The following CSPP1 variants were observed in gnomAD, a reference collection of about 807,000 sequenced individuals.
CSPP1 encodes the protein centrosome and spindle pole associated protein 1.
In CSPP1, 126 loss-of-function variants were observed where a neutral mutation model predicts 164.4. The ratio of observed to expected loss-of-function variants is 0.77; its 90% CI spans 0.66 to 0.89. The LOEUF (loss-of-function observed/expected upper bound fraction) is 0.89. CSPP1 is among the 40% of genes least tolerant of loss of function. The probability of loss-of-function intolerance (pLI) is 0.00; values close to 1 mark genes in which losing one functional copy is unlikely to be tolerated. For synonymous variants in CSPP1, 472 were observed against 476.7 expected (o/e 0.99, Z 0.13); for missense variants, 1,395 against 1,449.8 (o/e 0.96, Z 0.61).
intron 1 of CSPP1, among the ~76,000 whole-genome samples, chr8:67,065,293 A>G (rs544883543): frequency 6.6e-6 from 1 of 152,258 alleles, no homozygotes; most frequent in African/African-American, 2.4e-5. Flanking sequence ...AGTTGTCAGT[A>G]CATGTTATTA....
chr8:67,090,352 C>G (rs1463528829), intron 4 of CSPP1, among the ~76,000 whole-genome samples: 1 of 152,078 alleles, frequency 6.6e-6, no homozygotes, highest in Non-Finnish European at 1.5e-5. Context: ...TGGTGCTGAT[C>G]TTGGCTTGCT....
At chr8:67,130,987 TCAAAA>T (rs1208036980) in intron 15 of CSPP1, among the ~76,000 whole-genome samples, 6 of 152,088 alleles carry the variant, frequency 3.9e-5, no homozygotes, top group Admixed American at 2.0e-4. Flanking sequence ...AAACTCCGTC[TCAAAA>T]CAAAAGAAAA....
chr8:67,117,935 A>G (rs574130503), intron 13 of CSPP1, among the ~76,000 whole-genome samples: 1 of 152,228 alleles, frequency 6.6e-6, no homozygotes, highest in African/African-American at 2.4e-5. Context: ...GTTTATTTTC[A>G]TGTTACTCCT....
At chr8:67,190,813 GTTCTGA>G in intron 29 of CSPP1, 54 bp downstream of exon 29, 1 of 1,263,140 alleles carries the variant, frequency 7.9e-7, no homozygotes, top group Non-Finnish European at 1.2e-6. Flanking sequence ...AGAGGTCTGG[GTTCTGA>G]CCTGTGCTAA....
intron 7 of CSPP1, among the ~76,000 whole-genome samples, chr8:67,102,767 A>G (rs1225888788): frequency 1.3e-5 from 2 of 152,230 alleles, no homozygotes; most frequent in Non-Finnish European, 2.9e-5. Context: ...AAGTGTTAGT[A>G]TATTTGTAGT....
chr8:67,170,282 T>C (rs1459178618), intron 24 of CSPP1, among the ~76,000 whole-genome samples: 1 of 128,396 alleles, frequency 7.8e-6, no homozygotes, highest in East Asian at 2.2e-4. Context: ...CTGTCTCTAC[T>C]AAAAATACAA....
At chr8:67,116,223 T>C (rs906983219) in intron 13 of CSPP1, 101 bp downstream of exon 13, 4 of 818,834 alleles carry the variant, frequency 4.9e-6, no homozygotes, top group African/African-American at 3.4e-5. Context: ...TCTTCAGAGA[T>C]TTTGTACAGT....
At chr8:67,064,565 G>T in intron 1 of CSPP1, 27 bp downstream of exon 1, 1 of 1,577,240 alleles carries the variant, frequency 6.3e-7, no homozygotes. Context: ...TGTAGGTTGA[G>T]GGTGGAGGGT....
chr8:67,194,940 G>T, intron 30 of CSPP1, among the ~76,000 whole-genome samples: 1 of 152,084 alleles, frequency 6.6e-6, no homozygotes, highest in Non-Finnish European at 1.5e-5. Flanking sequence ...TTATAGCAGT[G>T]TTGTAGGTTG....
In CSPP1 at chr8:67,195,643, T is replaced by C; in HGVS notation, c.*50T>C. On this transcript the variant is annotated 3_prime_UTR_variant, in exon 31 of 31. Transcript: ENST00000678616. ...GTGCCTTTTAAGGTGAAAGGAATGG[T>C]AAATCTGTACCTTTAATATGTCCTA... is the stretch of plus-strand genomic sequence containing the variant. 3 of 1,507,864 alleles carry C rather than the reference T, an allele frequency of 2.0e-6. No homozygotes were observed. Among genetic ancestry groups the C allele is most frequent in the Non-Finnish European group, 2.8e-6 (3 of 1,089,988 alleles). The allele number at this position is 1,507,864 out of a possible 1,614,324, so 93.4% of individuals were successfully genotyped here.
At chr8:67,187,508 C>T (rs1460351771) in intron 28 of CSPP1, among the ~76,000 whole-genome samples, 1 of 152,044 alleles carries the variant, frequency 6.6e-6, no homozygotes, top group Non-Finnish European at 1.5e-5. Flanking sequence ...AAAACAACAC[C>T]TTGTCTCTAC....
intron 15 of CSPP1, among the ~76,000 whole-genome samples, chr8:67,123,768 C>A (rs768244081): frequency 2.0e-5 from 3 of 151,868 alleles, no homozygotes; most frequent in Non-Finnish European, 2.9e-5. Context: ...CATGCCACCA[C>A]GCCTGGCTAA....
chr8:67,108,144 A>T (rs984395854), intron 9 of CSPP1, among the ~76,000 whole-genome samples: 1 of 151,904 alleles, frequency 6.6e-6, no homozygotes, highest in African/African-American at 2.4e-5. Context: ...TAATCCCAGC[A>T]TCTTAGGAGG....
intron 18 of CSPP1, among the ~76,000 whole-genome samples, chr8:67,153,634 T>A (rs532061477): frequency 2.1e-4 from 32 of 152,182 alleles, no homozygotes; most frequent in Admixed American, 1.4e-3. Context: ...CATAATACAT[T>A]TTAATATGTT....
chr8:67,160,008 TTTC>T (rs1310609097), intron 21 of CSPP1, among the ~76,000 whole-genome samples: 2 of 100,412 alleles, frequency 2.0e-5, no homozygotes, highest in Non-Finnish European at 3.5e-5. Context: ...TTTCTTTTCT[TTTC>T]TTTTCTTTTC....
At chr8:67,177,817 A>AC in intron 27 of CSPP1, 91 bp downstream of exon 27, 1 of 889,014 alleles carries the variant, frequency 1.1e-6, no homozygotes, top group Non-Finnish European at 1.9e-6. Context: ...ATTTTGAATT[A>AC]TTCAGGAATA....
chr8:67,145,490 G>A (rs1824341464), intron 17 of CSPP1, among the ~76,000 whole-genome samples: 1 of 147,852 alleles, frequency 6.8e-6, no homozygotes, highest in South Asian at 2.2e-4. Context: ...TTTGCTTTGT[G>A]CTTACTTTTC....
chr8:67,165,679 AAAG>A (rs1245819903), intron 24 of CSPP1, among the ~76,000 whole-genome samples: 1 of 152,212 alleles, frequency 6.6e-6, no homozygotes, highest in Non-Finnish European at 1.5e-5. Flanking sequence ...GGGTTTCTGG[AAAG>A]AAGAGCACAG....
intron 28 of CSPP1, among the ~76,000 whole-genome samples, chr8:67,183,871 T>TA (rs59653850): frequency 3.5e-5 from 5 of 144,300 alleles, no homozygotes; most frequent in Admixed American, 2.1e-4. Flanking sequence ...TTTTTTTTTT[T>TA]AGACAAAGTC....
Sources: gnomAD v4.1 joint callset for allele counts (sites outside exome capture counted in the v4.1 genomes callset) on GRCh38, gnomAD v4.1.1 for gene constraint, MANE v1.5 for transcripts, NCBI Gene and HGNC (gene_info 2026-07-23, HGNC 2026-07-21) for gene names.